Variants in CDK5RAP1 observed in about 807,000 individuals in gnomAD.
CDK5RAP1 encodes CDK5RAP1 mitochondrial tRNA methylthiotransferase.
A neutral mutation model predicts 64.5 loss-of-function variants in CDK5RAP1; 62 were observed. The ratio of observed to expected loss-of-function variants is 0.96; its 90% CI spans 0.78 to 1.19. CDK5RAP1 has a LOEUF of 1.19. Ranked by LOEUF, CDK5RAP1 falls within the 50% of genes most tolerant of loss-of-function variation. The pLI, the probability that CDK5RAP1 is intolerant of heterozygous loss-of-function variation, is 0.00. For synonymous variants in CDK5RAP1, 250 were observed against 261.9 expected, an observed-to-expected ratio of 0.95 and a Z score of 0.44; for missense variants, 657 against 735.0, an observed-to-expected ratio of 0.89 and a Z score of 1.23.
At chr20:33,368,459 ATTTTTTTTTTTT>A (rs35954744) in intron 11 of CDK5RAP1, among the ~76,000 whole-genome samples, 4 of 67,606 alleles carry the variant, frequency 5.9e-5, no homozygotes, top group East Asian at 5.0e-4. Flanking sequence ...CTCTCGGCTA[ATTTTTTTTTTTT>A]TTTTTTTTTT....
Position 33,385,576 on chromosome 20 carries a change from G to A in CDK5RAP1, c.876+74C>T, listed in dbSNP as rs566162491. The A allele has an allele frequency of 5.8e-6, 9 of 1,560,468 alleles. No individual in the cohort carries two copies. In the East Asian group the frequency reaches 1.6e-4, roughly 27 times the overall value. On this transcript the variant is annotated intron_variant, in intron 7 of 13. Transcript: ENST00000346416. ...CTTTAATAAGTCAGAGACAGCATAGGCTCAAAACTACAAAGGTTATCCTCA... is the reference window on the plus strand; with the variant it reads ...CTTTAATAAGTCAGAGACAGCATAGACTCAAAACTACAAAGGTTATCCTCA...
chr20:33,378,781 G>A (rs1394807549), intron 8 of CDK5RAP1, among the ~76,000 whole-genome samples: 2 of 152,066 alleles, frequency 1.3e-5, no homozygotes, highest in Non-Finnish European at 2.9e-5. Context: ...CTGTTTCCCA[G>A]AGCACCACAT....
At position 33,385,706 on chromosome 20, in the gene CDK5RAP1, C is replaced by T; in HGVS notation, c.820G>A (p.Glu274Lys). Reference sequence around the variant, plus strand: ...ATGGAGGCAATAGGCCGACTCCTCTCCCTGCCCCGGGTGAAAGGAACAATG... The same window carrying T: ...ATGGAGGCAATAGGCCGACTCCTCTTCCTGCCCCGGGTGAAAGGAACAATG... ...YCIVPFTRGR[E>K]RSRPIASILE... Residue 274 changes from glutamate (E) to lysine (K), a missense_variant, in exon 7 of 14, where the codon GAG becomes AAG. By Grantham distance (56) the Glu-to-Lys change is moderately conservative. Transcript: ENST00000346416. 2 of 1,614,188 alleles carry T rather than the reference C, an allele frequency of 1.2e-6. No individual in the cohort carries two copies. The highest frequency in any genetic ancestry group is 1.7e-6 in the Non-Finnish European group (2 of 1,180,006).
chr20:33,361,997 GGAACAA>G (rs1244533499), intron 12 of CDK5RAP1, among the ~76,000 whole-genome samples: 2 of 151,316 alleles, frequency 1.3e-5, no homozygotes, highest in East Asian at 3.9e-4. Context: ...AGAGAGGGAG[GGAACAA>G]TCTCTGTGAC....
intron 2 of CDK5RAP1, among the ~76,000 whole-genome samples, chr20:33,395,478 C>T (rs1988817445): frequency 6.6e-6 from 1 of 152,064 alleles, no homozygotes; most frequent in African/African-American, 2.4e-5. Context: ...TGATACATGC[C>T]TGTGGTCCCA....
chr20:33,371,985 ACTG>A (rs1177775311), intron 10 of CDK5RAP1, among the ~76,000 whole-genome samples: 2 of 152,184 alleles, frequency 1.3e-5, no homozygotes, highest in African/African-American at 4.8e-5. Flanking sequence ...TACACATTTT[ACTG>A]CTGATCTGTA....
At chr20:33,362,899 C>A (rs1470670952) in intron 12 of CDK5RAP1, among the ~76,000 whole-genome samples, 1 of 152,148 alleles carries the variant, frequency 6.6e-6, no homozygotes, top group African/African-American at 2.4e-5. Flanking sequence ...TAAATGAATA[C>A]CACTTTAGGG....
intron 11 of CDK5RAP1, among the ~76,000 whole-genome samples, chr20:33,368,341 G>A (rs1376745544): frequency 5.9e-5 from 9 of 151,738 alleles, no homozygotes; most frequent in Admixed American, 2.6e-4. Flanking sequence ...TTGCCAAACC[G>A]GAGTGCAGTG....
Position 33,396,999 on chromosome 20 carries a change from C to T in CDK5RAP1, c.66G>A (p.Val22=), listed in dbSNP as rs1988965379. 1.2e-6 allele frequency: 2 copies of T among 1,614,078 alleles called. No individual in the cohort carries two copies. The highest frequency in any genetic ancestry group is 1.3e-5 in the African/African-American group (1 of 74,930). ...TGCACATCCTCAGCGACAGCCAAGACACAGAGGCCAATGGTCCCCACCCCA... is the reference window on the plus strand; with the variant it reads ...TGCACATCCTCAGCGACAGCCAAGATACAGAGGCCAATGGTCCCCACCCCA... ...RSLGWGPLAS[V]SWLSLRMCRA... Residue 22 remains valine (V), a synonymous_variant, in exon 2 of 14, where the codon GTG becomes GTA. Coordinates refer to ENST00000346416, the MANE Select transcript of CDK5RAP1 (RefSeq NM_016408.4).
At chr20:33,378,499 A>G (rs1183458817) in intron 8 of CDK5RAP1, among the ~76,000 whole-genome samples, 1 of 152,218 alleles carries the variant, frequency 6.6e-6, no homozygotes, top group Non-Finnish European at 1.5e-5. Context: ...TGAAGTAAGC[A>G]CATGCTGTTG....
In CDK5RAP1 at chr20:33,379,530, C is replaced by G. The variant is rs748931397; in HGVS notation, c.1038G>C (p.Gln346His). Reference protein sequence around the residue: ...GGLRFAHLLDQVSRVDPEMRI... With the variant: ...GGLRFAHLLDHVSRVDPEMRI... Reference sequence around the variant, plus strand: ...TCATTTCAGGATCTACTCTGGAGACCTGATCCAGAAGATGAGCAAAACGAA... The same window carrying G: ...TCATTTCAGGATCTACTCTGGAGACGTGATCCAGAAGATGAGCAAAACGAA... Residue 346 changes from glutamine (Q) to histidine (H), a missense_variant, in exon 8 of 14, where the codon CAG becomes CAC. By Grantham distance (24) the Gln-to-His change is conservative. Coordinates refer to ENST00000346416, the MANE Select transcript of CDK5RAP1 (RefSeq NM_016408.4). 7 of 1,614,056 alleles carry G rather than the reference C, an allele frequency of 4.3e-6. No individual in the cohort carries two copies. Among genetic ancestry groups the G allele is most frequent in the African/African-American group, 1.3e-5 (1 of 75,016 alleles).
At chr20:33,372,024 T>C (rs1397859169) in intron 10 of CDK5RAP1, among the ~76,000 whole-genome samples, 1 of 152,172 alleles carries the variant, frequency 6.6e-6, no homozygotes, top group East Asian at 1.9e-4. Flanking sequence ...CTACATTTCC[T>C]CATTTCATCA....
intron 1 of CDK5RAP1, among the ~76,000 whole-genome samples, chr20:33,400,433 G>A (rs1334278615): frequency 9.2e-5 from 14 of 152,192 alleles, no homozygotes; most frequent in Admixed American, 9.2e-4. Context: ...TAATTGCTGT[G>A]TGACCTTTGG....
chr20:33,394,232 T>C (rs1988656793), intron 3 of CDK5RAP1, among the ~76,000 whole-genome samples, 166 bp from the exon 4 acceptor site: 1 of 151,124 alleles, frequency 6.6e-6, no homozygotes, highest in Non-Finnish European at 1.5e-5. Flanking sequence ...CAATCTCAGC[T>C]CACTGCAACC....
intron 7 of CDK5RAP1, among the ~76,000 whole-genome samples, chr20:33,384,637 C>G (rs1987179493): frequency 6.6e-6 from 1 of 152,132 alleles, no homozygotes; most frequent in Non-Finnish European, 1.5e-5. Context: ...CACAGTGGCT[C>G]ATGACTGTAA....
At chr20:33,385,817 G>A in intron 6 of CDK5RAP1, 47 bp from the exon 7 acceptor site, 5 of 1,571,278 alleles carry the variant, frequency 3.2e-6, no homozygotes, top group Non-Finnish European at 4.3e-6. Context: ...AGGGTGTGCT[G>A]GTATGACCCA....
intron 1 of CDK5RAP1, among the ~76,000 whole-genome samples, chr20:33,400,793 C>G (rs1390109953): frequency 5.9e-5 from 9 of 151,768 alleles, no homozygotes; most frequent in African/African-American, 2.2e-4. Flanking sequence ...CCAGCCTGGG[C>G]GACAGAGCAA....
In CDK5RAP1 at chr20:33,370,571, G is replaced by A. The variant is rs139039517; in HGVS notation, c.1320C>T (p.His440=). The change falls in exon 11 of 14, where the codon CAC becomes CAT. Residue 440 remains histidine, a synonymous_variant. Coordinates refer to ENST00000346416, the MANE Select transcript of CDK5RAP1 (RefSeq NM_016408.4). The part of the protein sequence containing the change: ...AGFCGETEED[H]VQTVSLLREV... ...CCCGGAGCAAAGAGACTGTCTGGAC[G>A]TGATCTTCCTCCGTCTCACCACAAA... The A allele has an allele frequency of 3.2e-4, 515 of 1,614,102 alleles. No individual in the cohort carries two copies. Among genetic ancestry groups the A allele is most frequent in the Middle Eastern group, 4.9e-4 (3 of 6,062 alleles).
rs746455682 is a variant in CDK5RAP1 at position 33,366,941 on chromosome 20, T to C, written c.1460A>G (p.Glu487Gly). The change falls in exon 12 of 14, where the codon GAA becomes GGA. Residue 487 changes from glutamate (E) to glycine (G), a missense_variant. Physicochemically the swap from Glu to Gly is moderately conservative, Grantham distance 98. Coordinates refer to ENST00000346416, the MANE Select transcript of CDK5RAP1 (RefSeq NM_016408.4). Reference sequence around the variant, plus strand: ...TTCTTCTCGGAAGATAGTGATGAGTTCCTCCAAACGCCTTAATTTTACCTC... The same window carrying C: ...TTCTTCTCGGAAGATAGTGATGAGTCCCTCCAAACGCCTTAATTTTACCTC... The part of the protein sequence containing the change: ...PEEVKLRRLE[E>G]LITIFREEAT... The C allele has an allele frequency of 1.2e-6, 2 of 1,613,856 alleles. No individual in the cohort carries two copies. Among genetic ancestry groups the C allele is most frequent in the Non-Finnish European group, 1.7e-6 (2 of 1,179,918 alleles).
Sources: allele counts gnomAD v4.1 joint callset (sites outside exome capture counted in the v4.1 genomes callset), GRCh38; gene constraint gnomAD v4.1.1; transcripts MANE v1.5; gene names NCBI Gene and HGNC (gene_info 2026-07-23, HGNC 2026-07-21).